The following MLH3 variants were observed in gnomAD, a reference collection of about 807,000 sequenced individuals.
MLH3 encodes mutL homolog 3, also known as DNA mismatch repair protein Mlh3.
A neutral mutation model predicts 122.2 loss-of-function variants in MLH3; 82 were observed. The ratio of observed to expected loss-of-function variants is 0.67; its 90% CI spans 0.56 to 0.81. The LOEUF is 0.81. Ranked by LOEUF, MLH3 falls within the 30% of genes least tolerant of loss-of-function variation. MLH3 has a pLI of 0.00. For synonymous variants in MLH3, 524 were observed against 599.5 expected (o/e 0.87, Z 1.84); for missense variants, 1,539 against 1,714.5 (o/e 0.90, Z 1.81).
chr14:75,036,340 T>C (rs1008569961), intron 6 of MLH3, among the ~76,000 whole-genome samples: 1 of 145,200 alleles, frequency 6.9e-6, no homozygotes, highest in Non-Finnish European at 1.5e-5. Flanking sequence ...AACCACATTC[T>C]TGACATCTTT....
intron 4 of MLH3, among the ~76,000 whole-genome samples, chr14:75,040,884 A>C (rs1891807801): frequency 6.6e-6 from 1 of 152,186 alleles, no homozygotes; most frequent in South Asian, 2.1e-4. Context: ...TGTTTAATCC[A>C]AAATGCCTGA....
chr14:75,044,264 C>T (rs1305168865), intron 2 of MLH3, among the ~76,000 whole-genome samples: 1 of 152,124 alleles, frequency 6.6e-6, no homozygotes, highest in Non-Finnish European at 1.5e-5. Context: ...CATTAGGAAA[C>T]TATCAGTTAA....
In MLH3 at chr14:75,048,574, T is replaced by C. The variant is rs749840648; in HGVS notation, c.1082A>G (p.Asp361Gly). The change falls in exon 2 of 13, where the codon GAT becomes GGT. Residue 361 changes from aspartate (D) to glycine (G), a missense_variant. Asp to Gly is a moderately conservative substitution (Grantham distance 94, BLOSUM62 -1). Transcript: ENST00000355774. ...EKLFVELSGE[D>G]IKEFSEDNGF... Reference sequence around the variant, plus strand: ...ATTATCTTCACTAAATTCCTTAATATCCTCACCTGATAATTCCACAAATAA... The same window carrying C: ...ATTATCTTCACTAAATTCCTTAATACCCTCACCTGATAATTCCACAAATAA... 34 of 1,613,864 alleles carry C rather than the reference T, an allele frequency of 2.1e-5. No homozygotes were observed. Among genetic ancestry groups the C allele is most frequent in the Non-Finnish European group, 2.7e-5 (32 of 1,179,958 alleles).
chr14:75,016,021 T>G lies in MLH3; in HGVS notation c.*1061A>C. The G allele has an allele frequency of 4.3e-6, 1 of 230,908 alleles. No individual in the cohort carries two copies. The allele number at this position is 230,908 out of a possible 1,614,324, so 14.3% of individuals were successfully genotyped here. A position where few individuals can be genotyped will look rare whatever the true frequency, so the allele number is the denominator to read the frequency against. The stretch of plus-strand genomic sequence containing the variant: ...TTACCAGCTGGCTTTTTGCATTTTT[T>G]TTCTACTATGCAATTTTAGTCTGTT... On this transcript the variant is annotated 3_prime_UTR_variant, in exon 13 of 13. Transcript: ENST00000355774.
At chr14:75,019,366 C>T (rs1051298695) in intron 11 of MLH3, among the ~76,000 whole-genome samples, 12 of 140,880 alleles carry the variant, frequency 8.5e-5, no homozygotes, top group African/African-American at 2.4e-4. Context: ...GCCGAGATCA[C>T]GCCACTGCAC....
chr14:75,035,012 G>A lies in MLH3; in HGVS notation c.3644-1522C>T, dbSNP rs138091497. On this transcript the variant is annotated intron_variant, in intron 6 of 12. Coordinates refer to ENST00000355774, the MANE Select transcript of MLH3 (RefSeq NM_001040108.2). Reference sequence around the variant, plus strand: ...CGGGAAGGGGAGACTGCAGTGAGCCGAGATTGCACCACTGCAATCCCACCT... The same window carrying A: ...CGGGAAGGGGAGACTGCAGTGAGCCAAGATTGCACCACTGCAATCCCACCT... Among the ~76,000 whole-genome samples the A allele has an allele frequency of 3.6e-3, 469 of 129,206 alleles. 4 individuals are homozygous for A. Among genetic ancestry groups the A allele is most frequent in the Non-Finnish European group, 4.7e-3 (302 of 64,894 alleles). The allele number at this position is 129,206 out of a possible 152,430, so 84.8% of individuals were successfully genotyped here.
intron 12 of MLH3, 119 bp from the exon 13 acceptor site, chr14:75,017,320 C>T: frequency 9.9e-7 from 1 of 1,011,560 alleles, no homozygotes; most frequent in South Asian, 1.3e-5. Context: ...AGGCGGATCA[C>T]AAGGTCAGGA....
intron 12 of MLH3, among the ~76,000 whole-genome samples, chr14:75,017,635 A>C (rs1889977714): frequency 6.6e-6 from 1 of 152,228 alleles, no homozygotes; most frequent in Admixed American, 6.5e-5. Context: ...GATTCAATAG[A>C]GATTACAGAT....
At chr14:75,019,580 G>C (rs1566882146) in intron 11 of MLH3, among the ~76,000 whole-genome samples, 1 of 152,100 alleles carries the variant, frequency 6.6e-6, no homozygotes, top group Admixed American at 6.6e-5. Context: ...CTGGCTTTCA[G>C]AGTTTTTCTC....
At position 75,048,297 on chromosome 14, in the gene MLH3, C is replaced by A; in HGVS notation, c.1359G>T (p.Met453Ile). Residue 453 changes from methionine to isoleucine, a missense_variant, in exon 2 of 13, where the codon ATG becomes ATT. Transcript: ENST00000355774. ...CTTTGTTTTGTAAAGATGGCTCTGT[C>A]ATTTTGCTATGGCCTGGACCACCTG... ...YESGGPGHSK[M>I]TEPSLQNKDS... is the part of the protein sequence containing the mutation. The A allele has an allele frequency of 6.2e-7, 1 of 1,614,020 alleles. No homozygotes were observed. The highest frequency in any genetic ancestry group is 8.5e-7 in the Non-Finnish European group (1 of 1,180,020).
rs759302952 is a variant in MLH3, at chr14:75,042,336, T to C, written c.3379+43A>G. On this transcript the variant is annotated intron_variant, in intron 3 of 12. Transcript: ENST00000355774. Reference sequence around the variant, plus strand: ...CTGCTTTGTTTTTTGAGTTAGGTGGTACGATGTGTACTGTGTGCCCCAGCA... The same window carrying C: ...CTGCTTTGTTTTTTGAGTTAGGTGGCACGATGTGTACTGTGTGCCCCAGCA... 5.9e-6 allele frequency: 9 copies of C among 1,522,822 alleles called. No individual in the cohort carries two copies. The African/African-American group carries it at 1.2e-4, about 21-fold the overall frequency. 94.3% of individuals were successfully genotyped at this position (1,522,822 alleles called of 1,614,324 possible).
chr14:75,039,686 C>G (rs1030242230), intron 5 of MLH3, among the ~76,000 whole-genome samples: 1 of 151,600 alleles, frequency 6.6e-6, no homozygotes, highest in Non-Finnish European at 1.5e-5. Context: ...ACTTACACTA[C>G]TAAAGATATT....
In MLH3 at chr14:75,046,750, G is replaced by A. The variant is rs776422424; in HGVS notation, c.2906C>T (p.Pro969Leu). ...TTENCVISET[P>L]LVLPYNNSKV... ...AGAATTATTATAGGGCAATACCAAAGGAGTTTCTGATATCACACAGTTCTC... is the reference window on the plus strand; with the variant it reads ...AGAATTATTATAGGGCAATACCAAAAGAGTTTCTGATATCACACAGTTCTC... The change falls in exon 2 of 13, where the codon CCT (proline) becomes CTT (leucine). Residue 969 changes from proline (P) to leucine (L), a missense_variant. Pro to Leu is a moderately conservative substitution (Grantham distance 98). Transcript: ENST00000355774. 6.2e-7 allele frequency: 1 copy of A among 1,614,148 alleles called. No individual in the cohort carries two copies. The highest frequency in any genetic ancestry group is 1.1e-5 in the South Asian group (1 of 91,084).
At chr14:75,044,507 T>C (rs1892083274) in intron 2 of MLH3, among the ~76,000 whole-genome samples, 2 of 152,312 alleles carry the variant, frequency 1.3e-5, no homozygotes, top group South Asian at 4.1e-4. Context: ...GTGCTGTAGA[T>C]TTACCTCTGA....
rs748666714 is a variant in MLH3, at chr14:75,042,512, C to A, written c.3281-35G>T. 10 of 1,505,082 alleles carry A rather than the reference C, an allele frequency of 6.6e-6. No homozygotes were observed. Among genetic ancestry groups the A allele is most frequent in the African/African-American group, 1.4e-5 (1 of 72,788 alleles). The allele number at this position is 1,505,082 out of a possible 1,614,324, so 93.2% of individuals were successfully genotyped here. On this transcript the variant is annotated intron_variant, in intron 2 of 12. Transcript: ENST00000355774. The stretch of plus-strand genomic sequence containing the variant: ...AGAAAGAAAAACCTAGAAATGTGAA[C>A]TTAAAATACAAGTAAACTCTTTAAA...
chr14:75,047,886 A>T lies in MLH3; in HGVS notation c.1770T>A (p.Cys590Ter), dbSNP rs769773711. ...CATAACTAAAAACATTTCTTCTTCC[A>T]CAATTGCTAGATTCTTTTTTTTTCT... ...EKEKKKESSNCGRRNVFSYGR... is the reference protein window; with the variant it reads ...EKEKKKESSN Residue 590 changes from cysteine (C) to a stop codon, truncating the protein, a stop_gained, in exon 2 of 13, where the codon TGT (cysteine) becomes TGA (stop). Coordinates refer to ENST00000355774, the MANE Select transcript of MLH3 (RefSeq NM_001040108.2). LOFTEE classifies it high-confidence loss of function. 6.2e-7 allele frequency: 1 copy of T among 1,613,458 alleles called. No individual in the cohort carries two copies. Among genetic ancestry groups the T allele is most frequent in the East Asian group, 2.2e-5 (1 of 44,880 alleles).
Position 75,030,560 on chromosome 14 carries a change from T to A in MLH3, c.3970A>T (p.Thr1324Ser). ...NELRRGRSTV[T>S]KSIVEEFIRE... ...TGTCTTACCTCCACAATACTCTTGG[T>A]CACAGTAGATCTTCCTCTCCGAAGT... The change falls in exon 9 of 13, where the codon ACC becomes TCC. Residue 1324 changes from threonine to serine, a missense_variant. Transcript: ENST00000355774. The A allele has an allele frequency of 6.2e-7, 1 of 1,614,170 alleles. No individual in the cohort carries two copies. The highest frequency in any genetic ancestry group is 2.2e-5 in the East Asian group (1 of 44,870).
chr14:75,035,427 C>T (rs1204876702), intron 6 of MLH3, among the ~76,000 whole-genome samples: 1 of 152,166 alleles, frequency 6.6e-6, no homozygotes, highest in Non-Finnish European at 1.5e-5. Flanking sequence ...AAGGCTGAGG[C>T]TGGTGAACCG....
At chr14:75,038,165 T>C (rs143206066) in intron 6 of MLH3, among the ~76,000 whole-genome samples, 175 bp downstream of exon 6, 152 of 152,274 alleles carry the variant, frequency 1.0e-3, no homozygotes, top group African/African-American at 3.3e-3. Context: ...TCCCAAAGTG[T>C]TGGGATTACA....
Sources: gnomAD v4.1 joint callset for allele counts (sites outside exome capture counted in the v4.1 genomes callset) on GRCh38, gnomAD v4.1.1 for gene constraint, MANE v1.5 for transcripts, NCBI Gene and HGNC (gene_info 2026-07-23, HGNC 2026-07-21) for gene names.